GPC4: variants seen among roughly 807,000 people sequenced by gnomAD.
GPC4 encodes the protein glypican-4.
In GPC4, 10 loss-of-function variants were observed where a neutral mutation model predicts 35.0. The ratio of observed to expected loss-of-function variants is 0.29; its 90% CI spans 0.18 to 0.48. The LOEUF (loss-of-function observed/expected upper bound fraction) is 0.48, where lower values mean the gene tolerates loss of function less well. GPC4 is among the 20% of genes least tolerant of loss of function. The pLI is 0.99. For missense variants in GPC4, 322 were observed against 451.3 expected (o/e 0.71, Z 2.60); for synonymous variants, 167 against 170.2 (o/e 0.98, Z 0.15).
chrX:133,391,377 C>T (rs760625341), intron 1 of GPC4, among the ~76,000 whole-genome samples: 6 of 111,936 alleles, frequency 5.4e-5, no homozygotes, highest in Non-Finnish European at 1.1e-4. Flanking sequence ...CCTTACTGAT[C>T]GCTTCCTTTC....
chrX:133,408,410 T>C (rs2068798788), intron 1 of GPC4, among the ~76,000 whole-genome samples: 1 of 112,239 alleles, frequency 8.9e-6, no homozygotes, highest in East Asian at 2.8e-4. Context: ...AAGAAGTGTA[T>C]CTCAAGGCAT....
chrX:133,383,630 G>A (rs1291317997), intron 1 of GPC4, among the ~76,000 whole-genome samples: 1 of 111,200 alleles, frequency 9.0e-6, no homozygotes, highest in African/African-American at 3.3e-5. Context: ...CGGATCTCTT[G>A]AGGCCAGGAG....
intron 4 of GPC4, among the ~76,000 whole-genome samples, chrX:133,310,270 G>A (rs1386599093): frequency 1.8e-5 from 2 of 111,482 alleles, no homozygotes; most frequent in Admixed American, 9.6e-5. Context: ...ACTCAAATTC[G>A]GCAATTATGC....
At chrX:133,404,031 A>G (rs2068776494) in intron 1 of GPC4, among the ~76,000 whole-genome samples, 1 of 111,186 alleles carries the variant, frequency 9.0e-6, no homozygotes, top group South Asian at 3.9e-4. Flanking sequence ...AAATAGCTAC[A>G]TAGTCAGACA....
chrX:133,332,426 G>T (rs1603068253), intron 2 of GPC4, among the ~76,000 whole-genome samples: 2 of 110,849 alleles, frequency 1.8e-5, no homozygotes, highest in Admixed American at 9.6e-5. Context: ...TCGAGACAGA[G>T]TCTTGCTCTG....
chrX:133,315,220 A>C (rs1443402766), intron 3 of GPC4, among the ~76,000 whole-genome samples: 1 of 109,241 alleles, frequency 9.2e-6, no homozygotes, highest in Non-Finnish European at 1.9e-5. Flanking sequence ...TTTAAGCATC[A>C]GGTTGGTATT....
intron 4 of GPC4, among the ~76,000 whole-genome samples, chrX:133,308,043 G>A (rs1180545713): frequency 3.6e-5 from 4 of 112,079 alleles, no homozygotes; most frequent in Non-Finnish European, 5.6e-5. Flanking sequence ...GCTGAAGAAT[G>A]CAACTGAAGA....
intron 1 of GPC4, among the ~76,000 whole-genome samples, chrX:133,393,494 A>AG (rs2068729205): frequency 9.5e-6 from 1 of 105,142 alleles, no homozygotes; most frequent in East Asian, 3.0e-4. Context: ...GCTTAGAGAG[A>AG]GAAAAAAAAA....
intron 1 of GPC4, among the ~76,000 whole-genome samples, chrX:133,413,424 G>A (rs1280502838): frequency 8.9e-6 from 1 of 112,206 alleles, no homozygotes; most frequent in Non-Finnish European, 1.9e-5. Flanking sequence ...ATATGTAATT[G>A]ATGACTGCAC....
chrX:133,373,834 AG>A (rs1484690643), intron 1 of GPC4, among the ~76,000 whole-genome samples: 2 of 111,756 alleles, frequency 1.8e-5, no homozygotes, highest in African/African-American at 6.5e-5. Flanking sequence ...GCCACTGTCA[AG>A]GTGAGCAAGT....
chrX:133,393,043 A>G (rs1165101966), intron 1 of GPC4, among the ~76,000 whole-genome samples: 1 of 112,305 alleles, frequency 8.9e-6, no homozygotes, highest in African/African-American at 3.2e-5. Flanking sequence ...GTTATTTTCA[A>G]TAAAGAATAA....
chrX:133,397,798 C>T (rs996478669), intron 1 of GPC4, among the ~76,000 whole-genome samples: 4 of 112,020 alleles, frequency 3.6e-5, no homozygotes, highest in Non-Finnish European at 7.5e-5. Context: ...CAGTGGCTCA[C>T]GCCTGTAATC....
chrX:133,373,235 T>C (rs1190220139), intron 1 of GPC4, among the ~76,000 whole-genome samples: 1 of 111,945 alleles, frequency 8.9e-6, no homozygotes, highest in African/African-American at 3.2e-5. Context: ...TGTTTTCTCC[T>C]GGATAGGAAT....
intron 2 of GPC4, among the ~76,000 whole-genome samples, chrX:133,331,432 AAC>A (rs1479000187): frequency 2.7e-5 from 3 of 111,790 alleles, no homozygotes; most frequent in Non-Finnish European, 5.6e-5. Context: ...TATAGCTTCA[AAC>A]ACACATCTCA....
rs2068288548 is a variant in GPC4, at chrX:133,305,929, G to GT, written c.1009-12dup. 1.7e-6 allele frequency: 2 copies of GT among 1,211,113 alleles called. No homozygotes were observed. Among genetic ancestry groups the GT allele is most frequent in the Non-Finnish European group, 1.1e-6 (1 of 895,186 alleles). On this transcript the variant is annotated splice_polypyrimidine_tract_variant and intron_variant, in intron 5 of 8. Transcript: ENST00000370828. The stretch of plus-strand genomic sequence containing the variant: ...ACATCCCTGGAAAACCTGCATTAGA[G>GT]TAAGTGTCGTCATGTTAGGGAAGTC...
Position 133,359,065 on chromosome X carries a change from G to A in GPC4, c.161-19724C>T, listed in dbSNP as rs898128918. ...AGGTCCCAAGAGATACCTGGCCTTGGTCTTGAGTAGTACATAGGACTTAGG... is the reference window on the plus strand; with the variant it reads ...AGGTCCCAAGAGATACCTGGCCTTGATCTTGAGTAGTACATAGGACTTAGG... On this transcript the variant is annotated intron_variant, in intron 1 of 8. Transcript: ENST00000370828. Among the ~76,000 whole-genome samples the A allele has an allele frequency of 3.6e-5, 4 of 111,572 alleles. No homozygotes were observed. In the South Asian group the frequency reaches 1.5e-3, roughly 42 times the overall value.
At chrX:133,353,711 G>C (rs1328261588) in intron 1 of GPC4, among the ~76,000 whole-genome samples, 2 of 111,033 alleles carry the variant, frequency 1.8e-5, no homozygotes. Context: ...AGGCCTGAAG[G>C]AGTGAGAGAA....
At chrX:133,401,458 T>C (rs1302667167) in intron 1 of GPC4, among the ~76,000 whole-genome samples, 1 of 111,558 alleles carries the variant, frequency 9.0e-6, no homozygotes, top group Non-Finnish European at 1.9e-5. Context: ...ATTTTACATA[T>C]ATCTTGAAAG....
chrX:133,329,767 TGTAA>T (rs1370561688), intron 2 of GPC4, among the ~76,000 whole-genome samples: 1 of 111,837 alleles, frequency 8.9e-6, no homozygotes, highest in Non-Finnish European at 1.9e-5. Flanking sequence ...GCTAGGGAAG[TGTAA>T]GTACTTTCCA....
Sources: gnomAD v4.1 joint callset for allele counts (sites outside exome capture counted in the v4.1 genomes callset) on GRCh38, gnomAD v4.1.1 for gene constraint, MANE v1.5 for transcripts, NCBI Gene and HGNC (gene_info 2026-07-23, HGNC 2026-07-21) for gene names.